The following SCRN1 variants were observed in gnomAD, a reference collection of about 807,000 sequenced individuals.
The protein encoded by SCRN1 is secernin 1, also known as secernin-1.
Under a neutral mutation model 43.3 loss-of-function variants are expected in SCRN1, and 19 were observed. That is an observed-to-expected ratio of 0.44 (90% CI 0.31 to 0.64). The LOEUF is 0.64. Among genes scored for constraint, SCRN1 ranks in the 30% least tolerant of loss-of-function variants. The probability of loss-of-function intolerance (pLI) is 0.09; values close to 1 mark genes in which losing one functional copy is unlikely to be tolerated. For synonymous variants in SCRN1, 183 were observed against 188.9 expected, an observed-to-expected ratio of 0.97 and a Z score of 0.26; for missense variants, 447 against 524.1, an observed-to-expected ratio of 0.85 and a Z score of 1.44.
intron 2 of SCRN1, among the ~76,000 whole-genome samples, chr7:29,960,742 C>A (rs1406343244): frequency 6.6e-6 from 1 of 152,038 alleles, no homozygotes; most frequent in Non-Finnish European, 1.5e-5. Flanking sequence ...ATCCACACAC[C>A]ATAATCCAGG....
At position 29,965,366 on chromosome 7, in the gene SCRN1, T is replaced by C. The variant is rs372920404; in HGVS notation, c.159+3543A>G. 2.6e-5 allele frequency among the ~76,000 whole-genome samples: 4 copies of C among 151,914 alleles called. No homozygotes were observed. The highest frequency in any genetic ancestry group is 9.7e-5 in the African/African-American group (4 of 41,350). ...AGAGACCCAGGGACAAATGAGAAGA[T>C]TGTAGCAGAAAAGAGATGGACTCAG... is the stretch of plus-strand genomic sequence containing the variant. On this transcript the variant is annotated intron_variant, in intron 2 of 7. Transcript: ENST00000242059. This position sits in a 1 kb window ranked among gnomAD's most constrained non-coding sequence, Gnocchi z 4.2.
In SCRN1 at chr7:29,936,701, T is replaced by G; in HGVS notation, c.760A>C (p.Met254Leu). 1 of 1,560,638 alleles carries G rather than the reference T, an allele frequency of 6.4e-7. No individual in the cohort carries two copies. ...KQEESITVQT[M>L]MNTLRDKASG... Reference sequence around the variant, plus strand: ...GCTTTGTCCCGTAAGGTGTTCATCATAGTCTGCACTGTGATGCTTTCTGCA... The same window carrying G: ...GCTTTGTCCCGTAAGGTGTTCATCAGAGTCTGCACTGTGATGCTTTCTGCA... The change falls in exon 6 of 8, where the codon ATG (methionine) becomes CTG (leucine). Residue 254 changes from methionine to leucine, a missense_variant. Met to Leu is a conservative substitution (Grantham distance 15, BLOSUM62 2). Coordinates refer to ENST00000242059, the MANE Select transcript of SCRN1 (RefSeq NM_014766.5).
At chr7:29,947,813 T>C (rs1409950172) in intron 3 of SCRN1, among the ~76,000 whole-genome samples, 1 of 152,176 alleles carries the variant, frequency 6.6e-6, no homozygotes, top group Non-Finnish European at 1.5e-5. Flanking sequence ...GGCACCATGA[T>C]GGGATTAGTG....
At chr7:29,947,282 T>C in intron 3 of SCRN1, 1 of 1,550,840 alleles carries the variant, frequency 6.4e-7, no homozygotes. Flanking sequence ...CACAGGTATG[T>C]CAAGCTCACC....
intron 4 of SCRN1, among the ~76,000 whole-genome samples, chr7:29,942,699 G>A (rs957102898): frequency 6.6e-6 from 1 of 152,146 alleles, no homozygotes; most frequent in Admixed American, 6.5e-5. Context: ...ACTGGTAGGT[G>A]GGTACATGCT....
At chr7:29,925,086 C>T (rs562474464) in intron 7 of SCRN1, among the ~76,000 whole-genome samples, 1 of 152,304 alleles carries the variant, frequency 6.6e-6, no homozygotes, top group Admixed American at 6.5e-5. Flanking sequence ...GGTCATCCAC[C>T]AAGAACATAA....
At chr7:29,940,554 T>C in intron 5 of SCRN1, 128 bp downstream of exon 5, 1 of 779,406 alleles carries the variant, frequency 1.3e-6, no homozygotes, top group Non-Finnish European at 2.0e-6. Flanking sequence ...TAGCAGAAGT[T>C]GGTCTTTACA....
At chr7:29,970,298 C>A (rs554129779) in intron 1 of SCRN1, among the ~76,000 whole-genome samples, 12 of 152,166 alleles carry the variant, frequency 7.9e-5, no homozygotes, top group South Asian at 4.1e-4. Context: ...GCACACAGGC[C>A]TTTTTCTAGC....
At chr7:29,966,424 G>A (rs1236406220) in intron 2 of SCRN1, among the ~76,000 whole-genome samples, 1 of 152,114 alleles carries the variant, frequency 6.6e-6, no homozygotes, top group Non-Finnish European at 1.5e-5. Context: ...ATCTGCCCAT[G>A]TAAAAATCAA....
At position 29,977,944 on chromosome 7, in the gene SCRN1, C is replaced by T. The variant is rs1032270448; in HGVS notation, c.-1-8876G>A. Among the ~76,000 whole-genome samples the T allele has an allele frequency of 5.3e-5, 8 of 152,328 alleles. No homozygotes were observed. The South Asian group carries it at 1.0e-3, about 20-fold the overall frequency. ...ACAAGAGAAGGATACGTGATGAAAG[C>T]GGTCCCTTTGTCAAAGCCTATCTGT... On this transcript the variant is annotated intron_variant, in intron 1 of 7. Coordinates refer to ENST00000242059, the MANE Select transcript of SCRN1 (RefSeq NM_014766.5).
At chr7:29,924,575 T>G (rs989014441) in intron 7 of SCRN1, among the ~76,000 whole-genome samples, 2 of 152,204 alleles carry the variant, frequency 1.3e-5, no homozygotes, top group African/African-American at 4.8e-5. Context: ...CCCCGCACAG[T>G]GCCACACCGT....
chr7:29,924,341 GCC>G (rs1413820655), intron 7 of SCRN1, among the ~76,000 whole-genome samples: 1 of 152,196 alleles, frequency 6.6e-6, no homozygotes, highest in Non-Finnish European at 1.5e-5. Flanking sequence ...TCAGGACAAA[GCC>G]CAGACCCCAG....
chr7:29,966,671 C>T (rs536485679), intron 2 of SCRN1, among the ~76,000 whole-genome samples: 2 of 152,244 alleles, frequency 1.3e-5, no homozygotes, highest in South Asian at 2.1e-4. Flanking sequence ...TTCACCTATA[C>T]GAAAGGAAAA....
intron 6 of SCRN1, among the ~76,000 whole-genome samples, chr7:29,929,451 C>T (rs1445835788): frequency 2.0e-5 from 3 of 152,278 alleles, no homozygotes; most frequent in African/African-American, 7.2e-5. Flanking sequence ...GGAGCAGTAT[C>T]TTCATCAGGA....
Position 29,986,304 on chromosome 7 carries a change from G to A in SCRN1, c.-2+3338C>T, listed in dbSNP as rs1293336709. On this transcript the variant is annotated intron_variant, in intron 1 of 7. Transcript: ENST00000242059. Reference sequence around the variant, plus strand: ...TTTTCTAGTAGCCACATTTTTAAAAGTAAAGAGAAACTCATGGAATTATTT... The same window carrying A: ...TTTTCTAGTAGCCACATTTTTAAAAATAAAGAGAAACTCATGGAATTATTT... 3.3e-5 allele frequency among the ~76,000 whole-genome samples: 5 copies of A among 152,252 alleles called. No homozygotes were observed. The South Asian group carries it at 8.3e-4, about 25-fold the overall frequency.
chr7:29,955,431 A>G (rs575704293), intron 2 of SCRN1, 71 bp from the exon 3 acceptor site: 1 of 1,403,814 alleles, frequency 7.1e-7, no homozygotes, highest in African/African-American at 1.4e-5. Flanking sequence ...CTGGGTACTT[A>G]TACTGAACCA....
intron 5 of SCRN1, among the ~76,000 whole-genome samples, chr7:29,939,986 CAAA>C (rs779960489): frequency 8.8e-6 from 1 of 113,104 alleles, no homozygotes. Flanking sequence ...CCTGTCTCTA[CAAA>C]AAAAAAAAAA....
intron 7 of SCRN1, 27 bp downstream of exon 7, chr7:29,926,425 G>A (rs772950060): frequency 1.9e-5 from 31 of 1,600,876 alleles, no homozygotes; most frequent in South Asian, 7.7e-5. Context: ...CTCCGCCTCC[G>A]CCTCTGTGGC....
At position 29,989,767 on chromosome 7, in the gene SCRN1, A is replaced by C; in HGVS notation, c.-127T>G. 8 of 986,224 alleles carry C rather than the reference A, an allele frequency of 8.1e-6. No individual in the cohort carries two copies. The highest frequency in any genetic ancestry group is 9.6e-6 in the Non-Finnish European group (8 of 830,828). 61.1% of individuals were successfully genotyped at this position (986,224 alleles called of 1,614,324 possible). On this transcript the variant is annotated 5_prime_UTR_variant, in exon 1 of 8. Transcript: ENST00000242059. The stretch of plus-strand genomic sequence containing the variant: ...TCGGGGGCTGCAGCTGCAGTGGCGG[A>C]GGCGGCCGCCGGGCGCTTCCCCCTA...
Sources: allele counts gnomAD v4.1 joint callset (sites outside exome capture counted in the v4.1 genomes callset), GRCh38; gene constraint gnomAD v4.1.1; non-coding constraint Gnocchi (gnomAD v3.1); transcripts MANE v1.5; gene names NCBI Gene and HGNC (gene_info 2026-07-23, HGNC 2026-07-21).